The following ATP10A variants were observed in gnomAD, a reference collection of about 807,000 sequenced individuals.
ATP10A encodes phospholipid-transporting ATPase VA.
Under a neutral mutation model 147.8 loss-of-function variants are expected in ATP10A, and 111 were observed. The observed-to-expected ratio is 0.75, with a 90% CI of 0.64 to 0.88. ATP10A has a LOEUF of 0.88. ATP10A is among the 40% of genes least tolerant of loss of function. ATP10A has a pLI of 0.00. For missense variants in ATP10A, 1,927 were observed against 1,959.0 expected (o/e 0.98, Z 0.31); for synonymous variants, 875 against 841.6 (o/e 1.04, Z -0.69).
chr15:25,770,026 G>A (rs1174913740), intron 2 of ATP10A, among the ~76,000 whole-genome samples: 3 of 152,158 alleles, frequency 2.0e-5, no homozygotes, highest in Non-Finnish European at 4.4e-5. Flanking sequence ...TCGGCACCTT[G>A]ATCTCAGACT....
chr15:25,716,414 C>T (rs146787651), intron 9 of ATP10A, among the ~76,000 whole-genome samples: 3 of 152,338 alleles, frequency 2.0e-5, no homozygotes, highest in Non-Finnish European at 4.4e-5. Context: ...ACACACCCAC[C>T]TGCCTACCTG....
intron 2 of ATP10A, among the ~76,000 whole-genome samples, chr15:25,768,023 TC>T (rs1889121180): frequency 6.6e-6 from 1 of 152,180 alleles, no homozygotes; most frequent in South Asian, 2.1e-4. Flanking sequence ...GCTCCCAAAG[TC>T]CCCTCACCCC....
At chr15:25,688,030 C>T (rs774092087) in intron 15 of ATP10A, 23 of 649,280 alleles carry the variant, frequency 3.5e-5, no homozygotes, top group South Asian at 1.7e-4. Flanking sequence ...TCACCCAACA[C>T]GCTAGTTCAG....
intron 17 of ATP10A, among the ~76,000 whole-genome samples, chr15:25,681,582 A>C (rs1416696574): frequency 6.6e-6 from 1 of 152,190 alleles, no homozygotes; most frequent in Non-Finnish European, 1.5e-5. Flanking sequence ...CACGTAAGTT[A>C]ATGCACAAGG....
At chr15:25,691,831 A>T (rs769222014) in intron 14 of ATP10A, 40 bp from the exon 15 acceptor site, 1 of 1,608,754 alleles carries the variant, frequency 6.2e-7, no homozygotes, top group South Asian at 1.1e-5. Flanking sequence ...TTGATTCTAG[A>T]AACAGCACAG....
At chr15:25,772,790 C>G (rs945456219) in intron 2 of ATP10A, among the ~76,000 whole-genome samples, 12 of 152,178 alleles carry the variant, frequency 7.9e-5, no homozygotes. Context: ...GACAGCGTGG[C>G]CAGCAATGAC....
chr15:25,756,788 G>A (rs1888439452), intron 2 of ATP10A, among the ~76,000 whole-genome samples: 1 of 152,186 alleles, frequency 6.6e-6, no homozygotes, highest in Admixed American at 6.5e-5. Flanking sequence ...TAATGTTGCT[G>A]GTTTAATGAA....
intron 2 of ATP10A, among the ~76,000 whole-genome samples, chr15:25,750,329 C>A (rs556167936): frequency 6.6e-6 from 1 of 152,082 alleles, no homozygotes; most frequent in South Asian, 2.1e-4. Context: ...ACCTAGAATT[C>A]TATACCCAGT....
intron 3 of ATP10A, among the ~76,000 whole-genome samples, chr15:25,728,390 G>T (rs1902718053): frequency 6.6e-6 from 1 of 152,210 alleles, no homozygotes; most frequent in African/African-American, 2.4e-5. Context: ...GCCACTCAAG[G>T]GCCGTTCAGC....
chr15:25,862,139 C>A (rs1893788941), intron 1 of ATP10A: 1 of 391,300 alleles, frequency 2.6e-6, no homozygotes, highest in African/African-American at 2.1e-5. Flanking sequence ...GCCCTGGTAC[C>A]TGGGCCGTGC....
At chr15:25,808,512 G>A (rs8034588) in intron 1 of ATP10A, among the ~76,000 whole-genome samples, 31,245 of 152,164 alleles carry the variant, frequency 0.21, 3,458 homozygotes, top group Middle Eastern at 0.29. Context: ...AGCCTCCGGA[G>A]CAGCTGGGAT....
intron 12 of ATP10A, among the ~76,000 whole-genome samples, chr15:25,702,694 C>T (rs1211951149): frequency 2.0e-5 from 3 of 151,402 alleles, no homozygotes; most frequent in African/African-American, 7.3e-5. Flanking sequence ...CCTTTTTGGT[C>T]TCAGTATGTT....
At chr15:25,782,199 T>A (rs1465801269) in intron 1 of ATP10A, among the ~76,000 whole-genome samples, 2 of 152,118 alleles carry the variant, frequency 1.3e-5, no homozygotes, top group East Asian at 3.9e-4. Flanking sequence ...TAATATAAGG[T>A]GCCCAGTGGG....
chr15:25,814,558 C>G (rs537087913), intron 1 of ATP10A, among the ~76,000 whole-genome samples: 1 of 152,140 alleles, frequency 6.6e-6, no homozygotes, highest in African/African-American at 2.4e-5. Context: ...CAGTACCATC[C>G]GTGATGACAG....
chr15:25,773,509 T>G (rs574993043), intron 2 of ATP10A, among the ~76,000 whole-genome samples: 3 of 152,190 alleles, frequency 2.0e-5, no homozygotes, highest in African/African-American at 7.2e-5. Context: ...GTGGATTGCG[T>G]GGGCACCCCT....
intron 1 of ATP10A, among the ~76,000 whole-genome samples, chr15:25,799,817 A>C (rs933095194): frequency 2.0e-5 from 3 of 152,222 alleles, no homozygotes; most frequent in Non-Finnish European, 4.4e-5. Context: ...CAGTCCAAAC[A>C]CATCAATTTA....
In ATP10A at chr15:25,695,141, C is replaced by G. The variant is rs146638380; in HGVS notation, c.2766G>C (p.Ala922=). The G allele has an allele frequency of 5.0e-6, 8 of 1,608,794 alleles. No individual in the cohort carries two copies. Among genetic ancestry groups the G allele is most frequent in the South Asian group, 1.1e-5 (1 of 90,714 alleles). ...VITLNATSQE[A]CAALLDQCLC... is the part of the protein sequence containing the mutation. Reference sequence around the variant, plus strand: ...GGCACTGGTCTAGCAGGGCTGCACACGCCTCCTGAAAGGGACATGAGAGGA... The same window carrying G: ...GGCACTGGTCTAGCAGGGCTGCACAGGCCTCCTGAAAGGGACATGAGAGGA... The change falls in exon 14 of 21, where the codon GCG becomes GCC. Residue 922 remains alanine, a synonymous_variant. Transcript: ENST00000555815.
intron 2 of ATP10A, among the ~76,000 whole-genome samples, chr15:25,776,148 C>G (rs910051332): frequency 1.3e-5 from 2 of 152,200 alleles, no homozygotes; most frequent in Admixed American, 6.5e-5. Flanking sequence ...ATAAAATTAT[C>G]AGTCTAGGGA....
chr15:25,714,606 C>G (rs963010805), intron 9 of ATP10A, among the ~76,000 whole-genome samples: 1 of 152,060 alleles, frequency 6.6e-6, no homozygotes, highest in Non-Finnish European at 1.5e-5. Flanking sequence ...TTGCCGAGGG[C>G]CCATCAGTGA....
Sources: gnomAD v4.1 joint callset for allele counts (sites outside exome capture counted in the v4.1 genomes callset) on GRCh38, gnomAD v4.1.1 for gene constraint, MANE v1.5 for transcripts, NCBI Gene and HGNC (gene_info 2026-07-23, HGNC 2026-07-21) for gene names.